Variants in UMAD1 observed in about 807,000 individuals in gnomAD.
UMAD1 encodes the protein UBAP1-MVB12-associated (UMA)-domain containing protein 1.
Under a neutral mutation model 6.1 loss-of-function variants are expected in UMAD1, and 8 were observed. The observed-to-expected ratio is 1.30, with a 90% CI of 0.76 to 2.35. The LOEUF (loss-of-function observed/expected upper bound fraction) is 2.35. Ranked by LOEUF, UMAD1 falls within the 30% of genes most tolerant of loss-of-function variation. UMAD1 has a pLI of 0.00. For synonymous variants in UMAD1, 56 were observed against 31.4 expected (o/e 1.78, Z -2.61); for missense variants, 130 against 78.4 (o/e 1.66, Z -2.49).
intron 2 of UMAD1, among the ~76,000 whole-genome samples, chr7:7,765,471 C>T (rs1781966865): frequency 1.3e-5 from 2 of 152,202 alleles, no homozygotes; most frequent in South Asian, 4.1e-4. Flanking sequence ...TCATATTAAA[C>T]AAATTTAATA....
intron 1 of UMAD1, 86 bp from the exon 2 acceptor site, chr7:7,673,223 T>C (rs1779650300): frequency 2.4e-6 from 2 of 838,640 alleles, no homozygotes; most frequent in African/African-American, 1.7e-5. Context: ...ACTATTGTTA[T>C]ATCGTTATGC....
At chr7:7,796,848 G>A (rs1253117075) in intron 2 of UMAD1, among the ~76,000 whole-genome samples, 1 of 151,990 alleles carries the variant, frequency 6.6e-6, no homozygotes, top group African/African-American at 2.4e-5. Context: ...TCCACACTTT[G>A]GCCCACTCCA....
chr7:7,850,270 A>G (rs1233858330), intron 3 of UMAD1, among the ~76,000 whole-genome samples: 3 of 152,294 alleles, frequency 2.0e-5, no homozygotes, highest in Admixed American at 2.0e-4. Flanking sequence ...ATATTTAAAT[A>G]TGAAACTCTT....
At chr7:7,866,627 G>C (rs1236275528) in intron 3 of UMAD1, among the ~76,000 whole-genome samples, 1 of 152,326 alleles carries the variant, frequency 6.6e-6, no homozygotes, top group African/African-American at 2.4e-5. Flanking sequence ...TGAGGGAGTG[G>C]AAAGCAGTAG....
chr7:7,660,041 T>C (rs1047745780), intron 1 of UMAD1, among the ~76,000 whole-genome samples: 8 of 152,260 alleles, frequency 5.3e-5, no homozygotes, highest in African/African-American at 1.9e-4. Flanking sequence ...CATTGATCCC[T>C]TTACCATTAT....
At chr7:7,689,148 C>T (rs1373922149) in intron 2 of UMAD1, among the ~76,000 whole-genome samples, 1 of 152,078 alleles carries the variant, frequency 6.6e-6, no homozygotes, top group Non-Finnish European at 1.5e-5. Flanking sequence ...TAGTCTAATT[C>T]ACCTTGCCAG....
At chr7:7,719,570 T>C (rs13245945) in intron 2 of UMAD1, among the ~76,000 whole-genome samples, 8,282 of 152,276 alleles carry the variant, frequency 0.054, 264 homozygotes, top group Middle Eastern at 0.12. Flanking sequence ...TCACAAGGGA[T>C]TTCACAAAAG....
At chr7:7,644,272 G>A (rs1216634846) in intron 1 of UMAD1, among the ~76,000 whole-genome samples, 1 of 149,694 alleles carries the variant, frequency 6.7e-6, no homozygotes, top group Non-Finnish European at 1.5e-5. Flanking sequence ...ACTTTTAAGA[G>A]CTTTTTATTA....
At chr7:7,777,505 CAAAAA>C (rs1191099834) in intron 2 of UMAD1, among the ~76,000 whole-genome samples, 3 of 24,568 alleles carry the variant, frequency 1.2e-4, no homozygotes, top group South Asian at 1.3e-3. Context: ...GACTCCATCT[CAAAAA>C]AAAAAAAAAA....
chr7:7,848,597 G>A lies in UMAD1; in HGVS notation c.157-28684G>A, dbSNP rs933215180. On this transcript the variant is annotated intron_variant, in intron 3 of 3. Coordinates refer to ENST00000682710, the MANE Select transcript of UMAD1 (RefSeq NM_001302348.2). ...CTTACTATTATTGAAATGTTTGCTT[G>A]AAAAAGTTATTTTTCTGAGCATTGT... is the stretch of plus-strand genomic sequence containing the variant. Among the ~76,000 whole-genome samples the A allele has an allele frequency of 1.3e-4, 20 of 152,200 alleles. 1 individual carries two copies. Among genetic ancestry groups the A allele is most frequent in the African/African-American group, 4.6e-4 (19 of 41,552 alleles).
chr7:7,778,572 C>G (rs1386430268), intron 2 of UMAD1, among the ~76,000 whole-genome samples: 2 of 151,950 alleles, frequency 1.3e-5, no homozygotes, highest in African/African-American at 4.8e-5. Flanking sequence ...TGTGCCACCA[C>G]AATTGGCTGA....
intron 2 of UMAD1, among the ~76,000 whole-genome samples, chr7:7,674,879 C>A (rs1323638550): frequency 6.6e-6 from 1 of 152,086 alleles, no homozygotes; most frequent in Non-Finnish European, 1.5e-5. Context: ...ACAATAAATT[C>A]TTCTCTCAGA....
chr7:7,874,985 G>C (rs1222784861), intron 3 of UMAD1, among the ~76,000 whole-genome samples: 1 of 152,090 alleles, frequency 6.6e-6, no homozygotes, highest in Non-Finnish European at 1.5e-5. Context: ...TGTTGGTCAG[G>C]CTGGTCTCGA....
Position 7,848,884 on chromosome 7 carries a change from T to A in UMAD1, c.157-28397T>A, listed in dbSNP as rs181118705. ...AACTTTATTTAAACTACTTTCTCAATTTGCAAGGATAACAATACAATTTCT... is the reference window on the plus strand; with the variant it reads ...AACTTTATTTAAACTACTTTCTCAAATTGCAAGGATAACAATACAATTTCT... On this transcript the variant is annotated intron_variant, in intron 3 of 3. Coordinates refer to ENST00000682710, the MANE Select transcript of UMAD1 (RefSeq NM_001302348.2). 6.1e-3 allele frequency among the ~76,000 whole-genome samples: 928 copies of A among 152,292 alleles called. 46 individuals are homozygous for A. Among genetic ancestry groups the A allele is most frequent in the Admixed American group, 0.056 (851 of 15,288 alleles).
intron 2 of UMAD1, among the ~76,000 whole-genome samples, chr7:7,721,805 A>C (rs917268493): frequency 1.3e-5 from 2 of 152,166 alleles, no homozygotes; most frequent in Non-Finnish European, 2.9e-5. Context: ...TGAAGGATGC[A>C]AAGTATTGAT....
At chr7:7,694,275 T>C (rs1052465264) in intron 2 of UMAD1, among the ~76,000 whole-genome samples, 1 of 152,216 alleles carries the variant, frequency 6.6e-6, no homozygotes, top group Non-Finnish European at 1.5e-5. Flanking sequence ...TATATATTTA[T>C]GGGTTATATG....
chr7:7,814,122 T>G (rs546385403), intron 3 of UMAD1, among the ~76,000 whole-genome samples: 1 of 152,248 alleles, frequency 6.6e-6, no homozygotes, highest in Admixed American at 6.5e-5. Context: ...TAGCTGGGAC[T>G]ACAGGCACCC....
intron 2 of UMAD1, among the ~76,000 whole-genome samples, chr7:7,756,126 A>C (rs997529882): frequency 6.6e-6 from 1 of 152,206 alleles, no homozygotes; most frequent in Non-Finnish European, 1.5e-5. Context: ...AAAACTAGGC[A>C]TAGTGTGAAG....
At chr7:7,846,823 G>T (rs150036061) in intron 3 of UMAD1, among the ~76,000 whole-genome samples, 62 of 142,480 alleles carry the variant, frequency 4.4e-4, no homozygotes, top group African/African-American at 1.6e-3. Context: ...TTGATCCACC[G>T]CATATTCTCA....
Sources: allele counts gnomAD v4.1 joint callset (sites outside exome capture counted in the v4.1 genomes callset), GRCh38; gene constraint gnomAD v4.1.1; transcripts MANE v1.5; gene names NCBI Gene and HGNC (gene_info 2026-07-23, HGNC 2026-07-21).